PRKAG2: variants seen among roughly 807,000 people sequenced by gnomAD.
PRKAG2 encodes protein kinase AMP-activated non-catalytic subunit gamma 2.
A neutral mutation model predicts 69.6 loss-of-function variants in PRKAG2; 26 were observed. The ratio of observed to expected loss-of-function variants is 0.37; its 90% CI spans 0.27 to 0.52. PRKAG2 has a LOEUF of 0.52. PRKAG2 is among the 20% of genes least tolerant of loss of function. The pLI is 0.90. For missense variants in PRKAG2, 557 were observed against 740.0 expected (o/e 0.75, Z 2.87); for synonymous variants, 293 against 285.0 (o/e 1.03, Z -0.28).
chr7:151,580,086 G>A (rs1809988601), intron 6 of PRKAG2, among the ~76,000 whole-genome samples: 3 of 152,228 alleles, frequency 2.0e-5, no homozygotes, highest in South Asian at 2.1e-4. Context: ...GCTCATGCCT[G>A]TAATCCCAGC....
intron 3 of PRKAG2, among the ~76,000 whole-genome samples, chr7:151,729,807 A>G (rs1232438403): frequency 6.6e-6 from 1 of 152,118 alleles, no homozygotes; most frequent in East Asian, 1.9e-4. Flanking sequence ...GTCTGAGCAC[A>G]GGCATCCACA....
At chr7:151,591,975 C>T (rs753910720) in intron 6 of PRKAG2, among the ~76,000 whole-genome samples, 15 of 152,264 alleles carry the variant, frequency 9.9e-5, no homozygotes, top group East Asian at 3.9e-4. Flanking sequence ...CTCCCCATCA[C>T]GAACAGGGAA....
intron 1 of PRKAG2, among the ~76,000 whole-genome samples, chr7:151,845,146 T>G (rs1212907737): frequency 1.3e-5 from 2 of 151,394 alleles, no homozygotes; most frequent in African/African-American, 4.9e-5. Flanking sequence ...GGATCACTGC[T>G]CGGCATCCCT....
intron 3 of PRKAG2, among the ~76,000 whole-genome samples, chr7:151,682,343 T>TG (rs1834004136): frequency 6.6e-6 from 1 of 152,140 alleles, no homozygotes; most frequent in African/African-American, 2.4e-5. Context: ...TGGGCTCAAG[T>TG]GATCCTCCCA....
intron 4 of PRKAG2, among the ~76,000 whole-genome samples, chr7:151,640,547 T>C (rs1826501906): frequency 1.3e-5 from 2 of 151,794 alleles, no homozygotes; most frequent in South Asian, 2.1e-4. Flanking sequence ...GGCCTCCTTG[T>C]TTCTTCCTCC....
Position 151,699,684 on chromosome 7 carries a change from G to T in PRKAG2, c.467-24047C>A, listed in dbSNP as rs1205727480. On this transcript the variant is annotated intron_variant, in intron 3 of 15. Transcript: ENST00000287878. This position sits in a 1 kb window ranked among gnomAD's most constrained non-coding sequence, Gnocchi z 4.5. ...GTAACAGAACCCAGCCTACGGGCCAGAAAGAAATGCATGAGCCATTAAGAC... is the reference window on the plus strand; with the variant it reads ...GTAACAGAACCCAGCCTACGGGCCATAAAGAAATGCATGAGCCATTAAGAC... 2.0e-5 allele frequency among the ~76,000 whole-genome samples: 3 copies of T among 152,328 alleles called. No individual in the cohort carries two copies. The East Asian group carries it at 5.8e-4, about 29-fold the overall frequency.
chr7:151,606,543 C>G (rs75070518), intron 5 of PRKAG2, among the ~76,000 whole-genome samples: 6,816 of 152,140 alleles, frequency 0.045, 495 homozygotes, highest in African/African-American at 0.16. Context: ...TCCTTGGCCG[C>G]GTGCGGTGGC....
chr7:151,698,147 T>C (rs1256624393), intron 3 of PRKAG2, among the ~76,000 whole-genome samples: 1 of 152,132 alleles, frequency 6.6e-6, no homozygotes, highest in Admixed American at 6.5e-5. Context: ...TTTCCTCTGG[T>C]GCCCAGGAGC....
intron 1 of PRKAG2, among the ~76,000 whole-genome samples, chr7:151,863,536 G>T (rs2079988121): frequency 6.6e-6 from 1 of 152,162 alleles, no homozygotes. Context: ...GCCAAAGCTA[G>T]AGGCACAGAC....
chr7:151,712,060 C>T (rs966026538), intron 3 of PRKAG2, among the ~76,000 whole-genome samples: 1 of 152,210 alleles, frequency 6.6e-6, no homozygotes, highest in African/African-American at 2.4e-5. Flanking sequence ...TGTGACTGCC[C>T]GGAGGCAGTG....
At position 151,868,300 on chromosome 7, in the gene PRKAG2, C is replaced by A. The variant is rs77935115; in HGVS notation, c.114+8207G>T. Among the ~76,000 whole-genome samples the A allele has an allele frequency of 2.3e-3, 349 of 152,356 alleles. 3 individuals carry two copies. Among genetic ancestry groups the A allele is most frequent in the African/African-American group, 8.0e-3 (333 of 41,584 alleles). ...GCTAAAATACAGTTCCACCAAATCA[C>A]CTTCTTCTACTGGGGAAGCTCAGCT... On this transcript the variant is annotated intron_variant, in intron 1 of 15. Coordinates refer to ENST00000287878, the MANE Select transcript of PRKAG2 (RefSeq NM_016203.4).
chr7:151,621,167 T>C (rs546746166), intron 5 of PRKAG2, among the ~76,000 whole-genome samples: 61 of 152,346 alleles, frequency 4.0e-4, no homozygotes, highest in Non-Finnish European at 7.6e-4. Flanking sequence ...TGTTTTCTTC[T>C]TTGTGTGCTA....
At chr7:151,587,544 C>T (rs1811985213) in intron 6 of PRKAG2, among the ~76,000 whole-genome samples, 2 of 152,288 alleles carry the variant, frequency 1.3e-5, no homozygotes, top group Non-Finnish European at 2.9e-5. Flanking sequence ...GTAAGTCACA[C>T]AGGCAGTAAG....
intron 5 of PRKAG2, among the ~76,000 whole-genome samples, chr7:151,595,995 C>G (rs1814414878): frequency 6.6e-6 from 1 of 151,686 alleles, no homozygotes; most frequent in Non-Finnish European, 1.5e-5. Flanking sequence ...CATAGCAAGA[C>G]CCAGTTTCTA....
chr7:151,727,772 G>A (rs927474079), intron 3 of PRKAG2, among the ~76,000 whole-genome samples: 2 of 152,302 alleles, frequency 1.3e-5, no homozygotes, highest in East Asian at 1.9e-4. Context: ...CCTGGGAGGC[G>A]CAGGGCAGCC....
At chr7:151,671,117 T>G (rs1831961896) in intron 4 of PRKAG2, among the ~76,000 whole-genome samples, 1 of 130,408 alleles carries the variant, frequency 7.7e-6, no homozygotes, top group Non-Finnish European at 1.5e-5. Context: ...GAGGTTGCAG[T>G]GAGCTGAGAT....
chr7:151,690,299 G>C (rs1330391710), intron 3 of PRKAG2, among the ~76,000 whole-genome samples: 1 of 152,208 alleles, frequency 6.6e-6, no homozygotes, highest in Non-Finnish European at 1.5e-5. Context: ...ACCCCTGGTA[G>C]AGCTCGCTTC....
At chr7:151,711,052 TGA>T (rs1411879855) in intron 3 of PRKAG2, among the ~76,000 whole-genome samples, 2 of 152,096 alleles carry the variant, frequency 1.3e-5, no homozygotes, top group African/African-American at 4.8e-5. Context: ...CTTAGAGTAC[TGA>T]GAGTGCTAGA....
chr7:151,558,899 G>A (rs1330041017), intron 15 of PRKAG2: 1 of 985,308 alleles, frequency 1.0e-6, no homozygotes, highest in Non-Finnish European at 1.2e-6. Context: ...GAGATATCAA[G>A]AAACAGAGAG....
Sources: allele counts gnomAD v4.1 joint callset (sites outside exome capture counted in the v4.1 genomes callset), GRCh38; gene constraint gnomAD v4.1.1; non-coding constraint Gnocchi (gnomAD v3.1); transcripts MANE v1.5; gene names NCBI Gene and HGNC (gene_info 2026-07-23, HGNC 2026-07-21).